MPHOSPH9: variants seen among roughly 807,000 people sequenced by gnomAD.
MPHOSPH9 encodes M-phase phosphoprotein 9.
Under a neutral mutation model 145.5 loss-of-function variants are expected in MPHOSPH9, and 88 were observed. The ratio of observed to expected loss-of-function variants is 0.60; its 90% confidence interval spans 0.51 to 0.72. MPHOSPH9 has a LOEUF of 0.72. Among genes scored for constraint, MPHOSPH9 ranks in the 30% least tolerant of loss-of-function variants. The pLI, the probability that MPHOSPH9 is intolerant of heterozygous loss-of-function variation, is 0.00. For missense variants in MPHOSPH9, 1,238 were observed against 1,386.6 expected (o/e 0.89, Z 1.70); for synonymous variants, 435 against 486.2 (o/e 0.89, Z 1.39).
upstream of MPHOSPH9, among the ~76,000 whole-genome samples, chr12:123,238,046 C>A (rs553504369): frequency 6.6e-6 from 1 of 152,148 alleles, no homozygotes; most frequent in East Asian, 1.9e-4. Flanking sequence ...CAGGTGCACA[C>A]CACCACATCT....
chr12:123,207,146 T>TAAAA (rs35392378), intron 8 of MPHOSPH9, among the ~76,000 whole-genome samples: 14 of 114,554 alleles, frequency 1.2e-4, no homozygotes, highest in Admixed American at 2.8e-4. Context: ...CTAAAGTGGT[T>TAAAA]AAAAAAAAAA....
intron 16 of MPHOSPH9, among the ~76,000 whole-genome samples, chr12:123,174,698 T>TA (rs1391496956): frequency 2.0e-5 from 3 of 152,082 alleles, no homozygotes; most frequent in Admixed American, 1.3e-4. Context: ...CATACCATCC[T>TA]AAAACCTTAT....
chr12:123,173,545 G>A (rs2044685296), intron 16 of MPHOSPH9, among the ~76,000 whole-genome samples: 1 of 152,168 alleles, frequency 6.6e-6, no homozygotes, highest in African/African-American at 2.4e-5. Flanking sequence ...GAACAGAAAG[G>A]CCTTGCTGGG....
chr12:123,199,719 G>A (rs2046131770), intron 11 of MPHOSPH9, among the ~76,000 whole-genome samples: 1 of 151,892 alleles, frequency 6.6e-6, no homozygotes, highest in South Asian at 2.1e-4. Context: ...CATGAACCTG[G>A]GAGGCGGAGC....
chr12:123,230,417 G>T lies in MPHOSPH9; in HGVS notation c.-53C>A. 2 of 1,147,992 alleles carry T rather than the reference G, an allele frequency of 1.7e-6. No homozygotes were observed. The highest frequency in any genetic ancestry group is 2.4e-6 in the Non-Finnish European group (2 of 826,810). 71.1% of individuals were successfully genotyped at this position (1,147,992 alleles called of 1,614,324 possible). On this transcript the variant is annotated 5_prime_UTR_variant, in exon 2 of 24. Transcript: ENST00000606320. Reference sequence around the variant, plus strand: ...ATTGGAAAATAAAGGTTCTTGGGCTGTTTGAGAAAAATGAATCCGTGTCAT... The same window carrying T: ...ATTGGAAAATAAAGGTTCTTGGGCTTTTTGAGAAAAATGAATCCGTGTCAT...
rs1332951300 is a variant in MPHOSPH9, at chr12:123,202,851, C to T, written c.1554G>A (p.Val518=). ...KYPSHTKASP[V]DSWKNQTFQN... Reference sequence around the variant, plus strand: ...GGAATGTCTGATTTTTCCAAGAGTCCACCGGAGAAGCTTTTGTGTGTGAGG... The same window carrying T: ...GGAATGTCTGATTTTTCCAAGAGTCTACCGGAGAAGCTTTTGTGTGTGAGG... Residue 518 remains valine (V), a synonymous_variant, in exon 10 of 24, where the codon GTG becomes GTA. Coordinates refer to ENST00000606320, the MANE Select transcript of MPHOSPH9 (RefSeq NM_022782.4). 1 of 1,613,970 alleles carries T rather than the reference C, an allele frequency of 6.2e-7. No individual in the cohort carries two copies. Among genetic ancestry groups the T allele is most frequent in the East Asian group, 2.2e-5 (1 of 44,900 alleles).
At chr12:123,200,648 T>C (rs2046181158) in intron 11 of MPHOSPH9, among the ~76,000 whole-genome samples, 1 of 151,826 alleles carries the variant, frequency 6.6e-6, no homozygotes, top group South Asian at 2.1e-4. Flanking sequence ...CAGTCATCTT[T>C]GCATTTTTTT....
At chr12:123,170,635 T>C (rs1172756440) in intron 16 of MPHOSPH9, among the ~76,000 whole-genome samples, 2 of 152,240 alleles carry the variant, frequency 1.3e-5, no homozygotes, top group Admixed American at 6.5e-5. Flanking sequence ...TGTTAGTACA[T>C]ATAAGCTCTA....
chr12:123,229,285 C>T (rs2047548098), intron 2 of MPHOSPH9, among the ~76,000 whole-genome samples: 1 of 152,102 alleles, frequency 6.6e-6, no homozygotes, highest in Non-Finnish European at 1.5e-5. Flanking sequence ...GCTGTTTCTA[C>T]ACTACTATAA....
At chr12:123,241,080 C>T (rs187431386) in intron 1 of MPHOSPH9, among the ~76,000 whole-genome samples, 12 of 151,478 alleles carry the variant, frequency 7.9e-5, no homozygotes, top group African/African-American at 2.9e-4. Flanking sequence ...TACTTCTCTC[C>T]AAAGTGAGAG....
At chr12:123,222,911 G>T in intron 4 of MPHOSPH9, 127 bp downstream of exon 4, 1 of 563,254 alleles carries the variant, frequency 1.8e-6, no homozygotes, top group Non-Finnish European at 2.8e-6. Flanking sequence ...ACTCCAACCT[G>T]GGCAACAAGA....
chr12:123,233,265 T>G (rs2047753913), upstream of MPHOSPH9: 1 of 152,208 alleles, frequency 6.6e-6, no homozygotes, highest in Non-Finnish European at 1.5e-5. Context: ...AAGAGAGACA[T>G]CCAACCCCGG....
chr12:123,198,083 C>CA (rs72059632), intron 12 of MPHOSPH9, among the ~76,000 whole-genome samples, 164 bp downstream of exon 12: 8,988 of 109,590 alleles, frequency 0.082, 300 homozygotes, highest in South Asian at 0.16. Context: ...GACTCCGTCT[C>CA]AAAAAAAAAA....
intron 23 of MPHOSPH9, chr12:123,160,255 T>G (rs2044050894): frequency 6.6e-6 from 1 of 152,670 alleles, no homozygotes; most frequent in Admixed American, 6.5e-5. Flanking sequence ...TGGCTGGAAC[T>G]CCTGACCTCA....
chr12:123,154,021 A>G (rs1441373278), downstream of MPHOSPH9, among the ~76,000 whole-genome samples: 3 of 152,110 alleles, frequency 2.0e-5, no homozygotes, highest in African/African-American at 4.8e-5. Flanking sequence ...TAGCACGGCC[A>G]CTTTAGCTAC....
Position 123,203,008 on chromosome 12 carries a change from T to C in MPHOSPH9, c.1397A>G (p.Asn466Ser), listed in dbSNP as rs762855893. The C allele has an allele frequency of 6.2e-7, 1 of 1,614,202 alleles. No individual in the cohort carries two copies. The highest frequency in any genetic ancestry group is 8.5e-7 in the Non-Finnish European group (1 of 1,180,042). The change falls in exon 10 of 24, where the codon AAT becomes AGT. Residue 466 changes from asparagine (N) to serine (S), a missense_variant. This residue lies in a region of MPHOSPH9 where 837 missense variants were observed against 897.5 expected (regional missense o/e 0.93). Coordinates refer to ENST00000606320, the MANE Select transcript of MPHOSPH9 (RefSeq NM_022782.4). ...ISGIQPHGLP[N>S]ALDDRISFSP... ...AAAGGATATTCTGTCATCAAGGGCA[T>C]TCGGAAGGCCGTGAGGTTGAATCCC... is the stretch of plus-strand genomic sequence containing the variant.
intron 5 of MPHOSPH9, among the ~76,000 whole-genome samples, chr12:123,219,372 G>A (rs1565967228): frequency 1.3e-5 from 2 of 151,602 alleles, no homozygotes; most frequent in Non-Finnish European, 2.9e-5. Flanking sequence ...GCTGAGGCGG[G>A]TGGATCACAA....
chr12:123,222,913 G>C, intron 4 of MPHOSPH9, 125 bp downstream of exon 4: 2 of 572,452 alleles, frequency 3.5e-6, no homozygotes, highest in Non-Finnish European at 2.7e-6. Context: ...TCCAACCTGG[G>C]CAACAAGAGT....
chr12:123,222,475 C>A (rs940075796), intron 4 of MPHOSPH9, among the ~76,000 whole-genome samples: 1 of 151,934 alleles, frequency 6.6e-6, no homozygotes, highest in Admixed American at 6.6e-5. Flanking sequence ...ACCAGCCTGG[C>A]CAACATGGTT....
Sources: gnomAD v4.1 joint callset for allele counts (sites outside exome capture counted in the v4.1 genomes callset) on GRCh38, gnomAD v4.1.1 for gene constraint, gnomAD v4.1.1 regional missense constraint, MANE v1.5 for transcripts, NCBI Gene and HGNC (gene_info 2026-07-23, HGNC 2026-07-21) for gene names.